Variants in VWC2L observed in about 807,000 individuals in gnomAD.
VWC2L encodes von Willebrand factor C domain containing 2 like, also known as von Willebrand factor C domain-containing protein 2-like.
Under a neutral mutation model 21.6 loss-of-function variants are expected in VWC2L, and 10 were observed. That is an observed-to-expected ratio of 0.46 (90% CI 0.29 to 0.78). VWC2L has a LOEUF of 0.78. Among genes scored for constraint, VWC2L ranks in the 30% least tolerant of loss-of-function variants. VWC2L has a pLI of 0.10. For missense variants in VWC2L, 209 were observed against 277.1 expected (o/e 0.75, Z 1.74); for synonymous variants, 96 against 94.3 (o/e 1.02, Z -0.10).
intron 3 of VWC2L, among the ~76,000 whole-genome samples, chr2:214,561,447 T>C (rs1689969193): frequency 6.6e-6 from 1 of 152,110 alleles, no homozygotes; most frequent in Non-Finnish European, 1.5e-5. Context: ...GCCACATTTT[T>C]AAAAAAGTAA....
At chr2:214,524,511 G>A (rs1689296296) in intron 3 of VWC2L, among the ~76,000 whole-genome samples, 1 of 152,104 alleles carries the variant, frequency 6.6e-6, no homozygotes, top group Non-Finnish European at 1.5e-5. Flanking sequence ...TGACCTTTAT[G>A]GGCAATACAA....
rs553853299 is a variant in VWC2L, at chr2:214,474,664, C to T, written c.520+37906C>T. 4.3e-4 allele frequency among the ~76,000 whole-genome samples: 66 copies of T among 152,238 alleles called. 3 individuals carry two copies. In the South Asian group the frequency reaches 0.013, roughly 30 times the overall value. ...GCCTGTGGCAATAGAGAGACTAGCT[C>T]TCCAATGCTACTTTTGTGACCTTGA... On this transcript the variant is annotated intron_variant, in intron 3 of 3. Coordinates refer to ENST00000312504, the MANE Select transcript of VWC2L (RefSeq NM_001080500.4).
intron 3 of VWC2L, among the ~76,000 whole-genome samples, chr2:214,499,715 TC>T (rs1217545025): frequency 6.6e-6 from 1 of 152,230 alleles, no homozygotes; most frequent in Non-Finnish European, 1.5e-5. Context: ...CAATGAGCTG[TC>T]ATTTTTTATT....
chr2:214,496,063 T>C (rs1391802221), intron 3 of VWC2L, among the ~76,000 whole-genome samples: 4 of 152,104 alleles, frequency 2.6e-5, no homozygotes, highest in Non-Finnish European at 4.4e-5. Context: ...ACACTTACGC[T>C]ATAGGGTATA....
intron 3 of VWC2L, among the ~76,000 whole-genome samples, chr2:214,482,527 C>CTA (rs58132295): frequency 1.8e-4 from 27 of 146,330 alleles, no homozygotes; most frequent in African/African-American, 6.0e-4. Context: ...ATGTGTGTAT[C>CTA]TATATATATA....
chr2:214,576,553 C>T lies in VWC2L; in HGVS notation c.*733C>T, dbSNP rs1690232975. On this transcript the variant is annotated 3_prime_UTR_variant, in exon 4 of 4. Coordinates refer to ENST00000312504, the MANE Select transcript of VWC2L (RefSeq NM_001080500.4). ...CAATCAAAATCTATTACGTAAAGAA[C>T]ACCATAAGCTCAACTAAAGAATCCA... 6.6e-6 allele frequency: 1 copy of T among 152,142 alleles called. No individual in the cohort carries two copies. The highest frequency in any genetic ancestry group is 2.4e-5 in the African/African-American group (1 of 41,422). 9.4% of individuals were successfully genotyped at this position (152,142 alleles called of 1,614,324 possible). A position where few individuals can be genotyped will look rare whatever the true frequency, so the allele number is the denominator to read the frequency against.
chr2:214,485,973 C>T (rs1316109838), intron 3 of VWC2L, among the ~76,000 whole-genome samples: 1 of 151,862 alleles, frequency 6.6e-6, no homozygotes, highest in Admixed American at 6.6e-5. Context: ...AACCCTTGAC[C>T]CCTAGTGGAT....
At chr2:214,482,341 T>C (rs1213539607) in intron 3 of VWC2L, among the ~76,000 whole-genome samples, 1 of 152,084 alleles carries the variant, frequency 6.6e-6, no homozygotes, top group East Asian at 1.9e-4. Flanking sequence ...CGCTACTCAA[T>C]TCCTCCTCCC....
chr2:214,415,713 G>A (rs1702344664), intron 2 of VWC2L, among the ~76,000 whole-genome samples: 2 of 152,174 alleles, frequency 1.3e-5, no homozygotes, highest in Admixed American at 6.5e-5. Context: ...AATGAACCAG[G>A]TTAGCGGTTC....
chr2:214,462,055 C>T (rs1703150878), intron 3 of VWC2L, among the ~76,000 whole-genome samples: 1 of 151,720 alleles, frequency 6.6e-6, no homozygotes, highest in South Asian at 2.1e-4. Context: ...AAAATGTCAC[C>T]CATGCTCCAG....
chr2:214,520,526 G>T (rs77816070), intron 3 of VWC2L, among the ~76,000 whole-genome samples: 1 of 152,076 alleles, frequency 6.6e-6, no homozygotes, highest in Admixed American at 6.6e-5. Flanking sequence ...TGGCGATATA[G>T]AAGTAAAATT....
intron 2 of VWC2L, among the ~76,000 whole-genome samples, chr2:214,418,356 G>C (rs1315080666): frequency 6.6e-6 from 1 of 152,172 alleles, no homozygotes; most frequent in Non-Finnish European, 1.5e-5. Flanking sequence ...GCAGCAGAGT[G>C]TAAGTAACTT....
Position 214,451,069 on chromosome 2 carries a change from G to A in VWC2L, c.520+14311G>A, listed in dbSNP as rs114101488. On this transcript the variant is annotated intron_variant, in intron 3 of 3. Coordinates refer to ENST00000312504, the MANE Select transcript of VWC2L (RefSeq NM_001080500.4). ...GTTCTTAATCAGTAGTTCCTAAAGC[G>A]TAGTCCCAGACCAGCAGCATCAGTA... 2.3e-3 allele frequency among the ~76,000 whole-genome samples: 346 copies of A among 152,056 alleles called. 1 individual carries two copies. Among genetic ancestry groups the A allele is most frequent in the African/African-American group, 7.7e-3 (321 of 41,470 alleles).
At chr2:214,531,183 G>A (rs899120840) in intron 3 of VWC2L, among the ~76,000 whole-genome samples, 1 of 152,104 alleles carries the variant, frequency 6.6e-6, no homozygotes, top group African/African-American at 2.4e-5. Flanking sequence ...GAGTTGAGTT[G>A]GGAATCACAG....
rs1690267177 is a variant in VWC2L at position 214,578,457 on chromosome 2, G to T, written c.*2637G>T. 1 of 152,134 alleles carries T rather than the reference G, an allele frequency of 6.6e-6. No homozygotes were observed. The highest frequency in any genetic ancestry group is 2.4e-5 in the African/African-American group (1 of 41,434). 9.4% of individuals were successfully genotyped at this position (152,134 alleles called of 1,614,324 possible). A position where few individuals can be genotyped will look rare whatever the true frequency, so the allele number is the denominator to read the frequency against. ...TTTATGGTTGGTTTTGTTGTTGTTG[G>T]ATTTTCTTTTTCTCAAAGTTTCACT... On this transcript the variant is annotated 3_prime_UTR_variant, in exon 4 of 4. Coordinates refer to ENST00000312504, the MANE Select transcript of VWC2L (RefSeq NM_001080500.4).
intron 3 of VWC2L, among the ~76,000 whole-genome samples, chr2:214,445,561 C>A (rs775029533): frequency 6.6e-6 from 1 of 150,610 alleles, no homozygotes. Context: ...ATAGAGAGAC[C>A]CTATTTTTAC....
chr2:214,469,342 G>A (rs1310742333), intron 3 of VWC2L, among the ~76,000 whole-genome samples: 1 of 152,188 alleles, frequency 6.6e-6, no homozygotes, highest in Non-Finnish European at 1.5e-5. Context: ...GCTCACGCCT[G>A]TAATCCCAGC....
intron 3 of VWC2L, among the ~76,000 whole-genome samples, chr2:214,564,919 T>C (rs888944789): frequency 3.3e-5 from 5 of 152,214 alleles, no homozygotes; most frequent in African/African-American, 1.2e-4. Context: ...GTTACCAACA[T>C]TGGTATTCAT....
intron 3 of VWC2L, among the ~76,000 whole-genome samples, chr2:214,470,662 A>G (rs934953721): frequency 1.3e-5 from 2 of 152,104 alleles, no homozygotes; most frequent in African/African-American, 4.8e-5. Context: ...TAATCCCAGC[A>G]CTTTGGGAGG....
Sources: allele counts gnomAD v4.1 joint callset (sites outside exome capture counted in the v4.1 genomes callset), GRCh38; gene constraint gnomAD v4.1.1; transcripts MANE v1.5; gene names NCBI Gene and HGNC (gene_info 2026-07-23, HGNC 2026-07-21).